The following CEP128 variants were observed in gnomAD, a reference collection of about 807,000 sequenced individuals.
CEP128 encodes centrosomal protein 128, also known as centrosomal protein 128kDa.
A neutral mutation model predicts 156.7 loss-of-function variants in CEP128; 132 were observed. The observed-to-expected ratio is 0.84, with a 90% CI of 0.73 to 0.97. The LOEUF is 0.97. CEP128 is among the 50% of genes least tolerant of loss of function. The pLI is 0.00. For synonymous variants in CEP128, 469 were observed against 448.9 expected (o/e 1.04, Z -0.57); for missense variants, 1,252 against 1,281.9 (o/e 0.98, Z 0.36).
At chr14:80,798,367 C>T (rs781183410) in intron 13 of CEP128, among the ~76,000 whole-genome samples, 4 of 152,152 alleles carry the variant, frequency 2.6e-5, no homozygotes, top group South Asian at 2.1e-4. Flanking sequence ...GAAAAAGGCA[C>T]ACGAAGTGAA....
intron 23 of CEP128, among the ~76,000 whole-genome samples, chr14:80,506,762 C>A (rs1019619461): frequency 1.3e-5 from 2 of 152,138 alleles, no homozygotes; most frequent in Admixed American, 1.3e-4. Context: ...ATATTTTCAA[C>A]AGGTCCATAT....
chr14:80,688,712 A>C (rs1277728604), intron 19 of CEP128, among the ~76,000 whole-genome samples: 2 of 152,206 alleles, frequency 1.3e-5, no homozygotes, highest in Admixed American at 6.5e-5. Context: ...AATAATAACA[A>C]TGTTACCATT....
intron 21 of CEP128, among the ~76,000 whole-genome samples, chr14:80,531,637 A>G (rs930683161): frequency 7.9e-5 from 12 of 152,234 alleles, no homozygotes; most frequent in African/African-American, 2.7e-4. Context: ...AATGCCAGAC[A>G]TATTAGGTGG....
Position 80,537,052 on chromosome 14 carries a change from A to C in CEP128, c.2881-6166T>G, listed in dbSNP as rs1889516887. ...ATTTGTCTTCATATAACACTATTGTAGTCAAAAGTGGTAGATCTCCTTTAA... is the reference window on the plus strand; with the variant it reads ...ATTTGTCTTCATATAACACTATTGTCGTCAAAAGTGGTAGATCTCCTTTAA... On this transcript the variant is annotated intron_variant, in intron 21 of 24. Transcript: ENST00000555265. Among the ~76,000 whole-genome samples the C allele has an allele frequency of 1.3e-5, 2 of 152,226 alleles. 1 individual carries two copies. Among genetic ancestry groups the C allele is most frequent in the South Asian group, 4.1e-4 (2 of 4,832 alleles).
intron 16 of CEP128, among the ~76,000 whole-genome samples, chr14:80,762,795 T>C (rs1457233417): frequency 6.6e-6 from 1 of 152,180 alleles, no homozygotes; most frequent in African/African-American, 2.4e-5. Context: ...TACTTCAAAA[T>C]GGGGCTGGTA....
intron 8 of CEP128, among the ~76,000 whole-genome samples, chr14:80,881,824 T>C (rs775483796): frequency 6.6e-6 from 1 of 151,934 alleles, no homozygotes; most frequent in Admixed American, 6.6e-5. Flanking sequence ...CAAAACTATA[T>C]AAAAACCTTC....
intron 8 of CEP128, among the ~76,000 whole-genome samples, chr14:80,872,751 G>A (rs781142432): frequency 6.6e-6 from 1 of 152,170 alleles, no homozygotes; most frequent in Non-Finnish European, 1.5e-5. Context: ...TTCTCTGACA[G>A]CAGGTTATGA....
upstream of CEP128, among the ~76,000 whole-genome samples, chr14:80,944,787 A>G (rs1377496366): frequency 1.6e-5 from 2 of 125,850 alleles, no homozygotes; most frequent in African/African-American, 3.0e-5. Flanking sequence ...GTGCCACTGC[A>G]CTGCAGCCTG....
chr14:80,771,738 G>A (rs1001145226), intron 16 of CEP128, among the ~76,000 whole-genome samples: 2 of 152,148 alleles, frequency 1.3e-5, no homozygotes, highest in Non-Finnish European at 1.5e-5. Context: ...AGAAAATAAG[G>A]TCCTCTAAAG....
intron 21 of CEP128, among the ~76,000 whole-genome samples, chr14:80,544,937 G>A (rs1037629236): frequency 6.6e-6 from 1 of 151,882 alleles, no homozygotes; most frequent in African/African-American, 2.4e-5. Flanking sequence ...TTTTTAAGAG[G>A]GATAAAAGTT....
intron 19 of CEP128, among the ~76,000 whole-genome samples, chr14:80,619,367 G>GACACACACACACACAC (rs34190837): frequency 0.011 from 1,495 of 139,406 alleles, 20 homozygotes; most frequent in South Asian, 0.019. Context: ...AAGACACACA[G>GACACACACACACACAC]ACACACACAC....
At chr14:80,952,030 AG>A (rs1182838700) in intron 2 of CEP128, among the ~76,000 whole-genome samples, 2 of 152,104 alleles carry the variant, frequency 1.3e-5, no homozygotes, top group Non-Finnish European at 2.9e-5. Context: ...AAATGCAATG[AG>A]GGGGAAAAAA....
intron 23 of CEP128, among the ~76,000 whole-genome samples, chr14:80,509,414 T>A (rs1221285734): frequency 6.6e-6 from 1 of 152,246 alleles, no homozygotes; most frequent in Non-Finnish European, 1.5e-5. Context: ...TTCCTACACC[T>A]GTTTGCCATT....
intron 20 of CEP128, among the ~76,000 whole-genome samples, chr14:80,562,745 A>G (rs1245021694): frequency 2.1e-5 from 3 of 142,924 alleles, no homozygotes; most frequent in African/African-American, 7.8e-5. Flanking sequence ...ACTGCAGCCT[A>G]TACCTTCCAT....
intron 19 of CEP128, among the ~76,000 whole-genome samples, chr14:80,585,053 G>A (rs899005568): frequency 6.6e-6 from 1 of 152,192 alleles, no homozygotes; most frequent in African/African-American, 2.4e-5. Context: ...TGGTAAAAAG[G>A]GCAGCAGCCC....
chr14:80,856,715 C>CTTT (rs1566673747), intron 9 of CEP128, among the ~76,000 whole-genome samples: 1 of 73,204 alleles, frequency 1.4e-5, no homozygotes, highest in African/African-American at 5.2e-5. Flanking sequence ...TCATGTTTTT[C>CTTT]TTTTCTTTTT....
Position 80,518,866 on chromosome 14 carries a change from C to A in CEP128, c.3072+8003G>T, listed in dbSNP as rs1460415323. 2.0e-5 allele frequency among the ~76,000 whole-genome samples: 3 copies of A among 151,880 alleles called. No homozygotes were observed. In the South Asian group the frequency reaches 6.2e-4, roughly 32 times the overall value. Reference sequence around the variant, plus strand: ...AGCCAAGTTAACCCTAAAAGACTACCCTAAAATAAAAATATTTCAAAATGC... The same window carrying A: ...AGCCAAGTTAACCCTAAAAGACTACACTAAAATAAAAATATTTCAAAATGC... On this transcript the variant is annotated intron_variant, in intron 23 of 24. Transcript: ENST00000555265.
chr14:80,796,679 C>T (rs541593722), intron 13 of CEP128, among the ~76,000 whole-genome samples: 19 of 152,262 alleles, frequency 1.2e-4, no homozygotes, highest in African/African-American at 4.6e-4. Flanking sequence ...CAGTATTATG[C>T]ATCATCCCAC....
intron 19 of CEP128, among the ~76,000 whole-genome samples, chr14:80,591,767 A>C (rs1397838826): frequency 2.0e-5 from 3 of 152,096 alleles, no homozygotes; most frequent in African/African-American, 7.2e-5. Flanking sequence ...TAAAACACTC[A>C]TCAGCAAATG....
Sources: gnomAD v4.1 joint callset for allele counts (sites outside exome capture counted in the v4.1 genomes callset) on GRCh38, gnomAD v4.1.1 for gene constraint, MANE v1.5 for transcripts, NCBI Gene and HGNC (gene_info 2026-07-23, HGNC 2026-07-21) for gene names.